Variants in UPK2 observed in about 807,000 individuals in gnomAD.
UPK2 encodes uroplakin 2, also known as uroplakin-2.
UPK2 carries 19 observed loss-of-function variants against 14.8 expected under a neutral mutation model. That is an observed-to-expected ratio of 1.29 (90% CI 0.90 to 1.89). The LOEUF (loss-of-function observed/expected upper bound fraction) is 1.89, where lower values mean the gene tolerates loss of function less well. Among genes scored for constraint, UPK2 ranks in the 40% most tolerant of loss-of-function variants. The pLI is 0.00. For synonymous variants in UPK2, 102 were observed against 101.6 expected (o/e 1.00, Z -0.02); for missense variants, 232 against 236.0 (o/e 0.98, Z 0.11).
chr11:118,956,411 TC>T lies in UPK2; in HGVS notation c.65del (p.Pro22GlnfsTer19). The T allele has an allele frequency of 6.2e-7, 1 of 1,609,104 alleles. No individual in the cohort carries two copies. The highest frequency in any genetic ancestry group is 1.3e-5 in the African/African-American group (1 of 74,994). On this transcript the variant is annotated frameshift_variant, in exon 1 of 5. Coordinates refer to ENST00000264031, the MANE Select transcript of UPK2 (RefSeq NM_006760.4). LOFTEE classifies it high-confidence loss of function. This position sits in a 1 kb window ranked among gnomAD's most constrained non-coding sequence, Gnocchi z 4.1. ...PLILILLALL[S>X]PGAADFNISS... ...GATCCTGATTCTGCTGGCTCTGCTG[TC>T]CCCAGGGGCTGCAGGTCTCTTCCAT...
At position 118,957,710 on chromosome 11, in the gene UPK2, C is replaced by T. The variant is rs756879749; in HGVS notation, c.418+42C>T. 4 of 1,609,648 alleles carry T rather than the reference C, an allele frequency of 2.5e-6. No homozygotes were observed. In the Admixed American group the frequency reaches 5.0e-5, roughly 20 times the overall value. On this transcript the variant is annotated intron_variant, in intron 4 of 4. Coordinates refer to ENST00000264031, the MANE Select transcript of UPK2 (RefSeq NM_006760.4). ...CCTCCCTTTCCCATCTCAGCGGCCA[C>T]AAACGCTTCCCTGACCATTCCTGCC...
chr11:118,956,752 A>G lies in UPK2; in HGVS notation c.77-131A>G, dbSNP rs953852731. 3 of 1,280,832 alleles carry G rather than the reference A, an allele frequency of 2.3e-6. No homozygotes were observed. The African/African-American group carries it at 4.5e-5, about 19-fold the overall frequency. 79.3% of individuals were successfully genotyped at this position (1,280,832 alleles called of 1,614,324 possible). A position where few individuals can be genotyped will look rare whatever the true frequency, so the allele number is the denominator to read the frequency against. ...CCCAAGCCTGCCACCTGGTGGTCAT[A>G]CTGGCACAGGCCTGGCTGTTCTGCC... On this transcript the variant is annotated intron_variant, in intron 1 of 4. Transcript: ENST00000264031. The surrounding 1 kb of genome is among the most constrained non-coding windows in gnomAD (Gnocchi z 4.1).
intron 3 of UPK2, 62 bp from the exon 4 acceptor site, chr11:118,957,536 C>A (rs771652809): frequency 6.3e-6 from 10 of 1,599,120 alleles, no homozygotes; most frequent in Non-Finnish European, 8.6e-6. Context: ...AGGCTGGAGC[C>A]CCTCTTCCTG....
In UPK2 at chr11:118,957,364, C is replaced by T. The variant is rs1157418579; in HGVS notation, c.347+18C>T. The T allele has an allele frequency of 1.9e-6, 3 of 1,612,304 alleles. No individual in the cohort carries two copies. In the African/African-American group the frequency reaches 4.0e-5, roughly 22 times the overall value. ...AAATTCTAGTAGGTACTGGGTCCAG[C>T]CTGAGGCACCTAGGGAAGGGGGTGC... On this transcript the variant is annotated intron_variant, in intron 3 of 4. Transcript: ENST00000264031.
chr11:118,957,648 T>A lies in UPK2; in HGVS notation c.398T>A (p.Ile133Asn), dbSNP rs1475647067. ...KGTATESSRE[I>N]PMSTLPRRNM... Reference sequence around the variant, plus strand: ...ACAGCCACTGAGTCCAGCAGAGAGATCCCAATGTCCACACTCCCTCGTAAG... The same window carrying A: ...ACAGCCACTGAGTCCAGCAGAGAGAACCCAATGTCCACACTCCCTCGTAAG... The change falls in exon 4 of 5, where the codon ATC (isoleucine) becomes AAC (asparagine). Residue 133 changes from isoleucine to asparagine, a missense_variant. By Grantham distance (149) the Ile-to-Asn change is moderately radical. Transcript: ENST00000264031. 1 of 1,613,926 alleles carries A rather than the reference T, an allele frequency of 6.2e-7. No homozygotes were observed. Among genetic ancestry groups the A allele is most frequent in the Non-Finnish European group, 8.5e-7 (1 of 1,179,994 alleles).
rs1592019910 is a variant in UPK2, at chr11:118,958,489, A to C, written c.*256A>C. The C allele has an allele frequency of 2.2e-6, 1 of 445,344 alleles. No individual in the cohort carries two copies. Among genetic ancestry groups the C allele is most frequent in the Non-Finnish European group, 4.1e-6 (1 of 246,698 alleles). 27.6% of individuals were successfully genotyped at this position (445,344 alleles called of 1,614,324 possible). On this transcript the variant is annotated 3_prime_UTR_variant, in exon 5 of 5. Transcript: ENST00000264031. The surrounding 1 kb of genome is among the most constrained non-coding windows in gnomAD (Gnocchi z 4.6). ...TTCCTCCCATTTTACCACTTTAAAC[A>C]CCCCCATAACAATTCCCCCATCCTT...
Position 118,958,070 on chromosome 11 carries a change from A to T in UPK2, c.419-27A>T. The stretch of plus-strand genomic sequence containing the variant: ...GGCAGGCTGGGGGTCTCTCCCGCCC[A>T]CAGTGGTCTCCCCTCTCTTTTGACA... On this transcript the variant is annotated intron_variant, in intron 4 of 4. Coordinates refer to ENST00000264031, the MANE Select transcript of UPK2 (RefSeq NM_006760.4). The surrounding 1 kb of genome is among the most constrained non-coding windows in gnomAD (Gnocchi z 4.6). 6.3e-7 allele frequency: 1 copy of T among 1,599,674 alleles called. No homozygotes were observed.
At position 118,957,684 on chromosome 11, in the gene UPK2, G is replaced by A. The variant is rs373658425; in HGVS notation, c.418+16G>A. The A allele has an allele frequency of 5.0e-4, 802 of 1,613,766 alleles. 1 individual carries two copies. The highest frequency in any genetic ancestry group is 6.4e-4 in the Non-Finnish European group (750 of 1,179,708). ...ACACTCCCTCGTAAGTAACACTCCC[G>A]CCTCCCTTTCCCATCTCAGCGGCCA... On this transcript the variant is annotated intron_variant, in intron 4 of 4. Coordinates refer to ENST00000264031, the MANE Select transcript of UPK2 (RefSeq NM_006760.4).
chr11:118,957,520 T>C, intron 3 of UPK2, 78 bp from the exon 4 acceptor site: 2 of 1,575,230 alleles, frequency 1.3e-6, no homozygotes, highest in South Asian at 1.1e-5. Context: ...TGAGGGTAGG[T>C]GGCCCAGGCT....
intron 3 of UPK2, 60 bp from the exon 4 acceptor site, chr11:118,957,538 C>T: frequency 6.2e-7 from 1 of 1,602,530 alleles, no homozygotes; most frequent in East Asian, 2.2e-5. Flanking sequence ...GCTGGAGCCC[C>T]TCTTCCTGTA....
chr11:118,957,815 C>T (rs1021597256), intron 4 of UPK2, 147 bp downstream of exon 4: 16 of 959,456 alleles, frequency 1.7e-5, no homozygotes, highest in South Asian at 6.2e-5. Context: ...ACGGAACCTT[C>T]GGCATGGCTA....
Position 118,956,389 on chromosome 11 carries a change from C to A in UPK2, c.39C>A (p.Ile13=), listed in dbSNP as rs1015714265. 5 of 1,611,044 alleles carry A rather than the reference C, an allele frequency of 3.1e-6. No homozygotes were observed. In the Admixed American group the frequency reaches 6.7e-5, roughly 21 times the overall value. Reference sequence around the variant, plus strand: ...TGCCCATCCGGACCTTGCCCTTGATCCTGATTCTGCTGGCTCTGCTGTCCC... The same window carrying A: ...TGCCCATCCGGACCTTGCCCTTGATACTGATTCTGCTGGCTCTGCTGTCCC... The part of the protein sequence containing the change: ...PLLPIRTLPL[I]LILLALLSPG... Residue 13 remains isoleucine (I), a synonymous_variant, in exon 1 of 5, where the codon ATC becomes ATA. Transcript: ENST00000264031. This position sits in a 1 kb window ranked among gnomAD's most constrained non-coding sequence, Gnocchi z 4.1.
rs1941564134 is a variant in UPK2 at position 118,956,553 on chromosome 11, G to A, written c.76+127G>A. The A allele has an allele frequency of 1.2e-6, 1 of 806,406 alleles. No individual in the cohort carries two copies. The highest frequency in any genetic ancestry group is 2.0e-6 in the Non-Finnish European group (1 of 496,550). 50.0% of individuals were successfully genotyped at this position (806,406 alleles called of 1,614,324 possible). On this transcript the variant is annotated intron_variant, in intron 1 of 4. Transcript: ENST00000264031. The surrounding 1 kb of genome is among the most constrained non-coding windows in gnomAD (Gnocchi z 4.1). ...TCAGGGCTGGTGATGGCAGTGACTG[G>A]GTATCAGACACTGGGCTCAGGGTAC...
rs888740096 is a variant in UPK2, at chr11:118,956,667, A to C, written c.77-216A>C. The stretch of plus-strand genomic sequence containing the variant: ...GAGGGGTGAGGTTGGGCGCTGCCCG[A>C]CTCCTGGCATCCAGGTTCTGGCTCT... On this transcript the variant is annotated intron_variant, in intron 1 of 4. Transcript: ENST00000264031. This position sits in a 1 kb window ranked among gnomAD's most constrained non-coding sequence, Gnocchi z 4.1. Among the ~76,000 whole-genome samples, 2 of 151,248 alleles carry C rather than the reference A, an allele frequency of 1.3e-5. No individual in the cohort carries two copies. Among genetic ancestry groups the C allele is most frequent in the Non-Finnish European group, 2.9e-5 (2 of 67,824 alleles).
chr11:118,956,958 G>A lies in UPK2; in HGVS notation c.152G>A (p.Cys51Tyr), dbSNP rs1941567931. The change falls in exon 2 of 5, where the codon TGT becomes TAT. Residue 51 changes from cysteine to tyrosine, a missense_variant. Transcript: ENST00000264031. This position sits in a 1 kb window ranked among gnomAD's most constrained non-coding sequence, Gnocchi z 4.1. ...AGCCTGCTGGTTGCCTTGCCCCCCT[G>A]TCACCTCACAGGAGGCAATGCCACA... is the stretch of plus-strand genomic sequence containing the variant. ...TESLLVALPP[C>Y]HLTGGNATLM... 2 of 1,613,874 alleles carry A rather than the reference G, an allele frequency of 1.2e-6. No individual in the cohort carries two copies. The highest frequency in any genetic ancestry group is 2.2e-5 in the East Asian group (1 of 44,874).
Position 118,956,361 on chromosome 11 carries a change from T to A in UPK2, c.11T>A (p.Leu4Gln). The A allele has an allele frequency of 1.2e-6, 2 of 1,611,710 alleles. No homozygotes were observed. Among genetic ancestry groups the A allele is most frequent in the Non-Finnish European group, 1.7e-6 (2 of 1,179,976 alleles). The change falls in exon 1 of 5, where the codon CTG (leucine) becomes CAG (glutamine). Residue 4 changes from leucine (L) to glutamine (Q), a missense_variant. Physicochemically the swap from Leu to Gln is moderately radical, Grantham distance 113. Transcript: ENST00000264031. This position sits in a 1 kb window ranked among gnomAD's most constrained non-coding sequence, Gnocchi z 4.1. ...ACCTCCCAGCCCAGCATGGCACCCC[T>A]GCTGCCCATCCGGACCTTGCCCTTG... MAP[L>Q]LPIRTLPLIL...
chr11:118,958,226 G>GC lies in UPK2; in HGVS notation c.549dup (p.Lys184GlnfsTer98), dbSNP rs1941581090. 2 of 1,612,856 alleles carry GC rather than the reference G, an allele frequency of 1.2e-6. No individual in the cohort carries two copies. Among genetic ancestry groups the GC allele is most frequent in the Non-Finnish European group, 1.7e-6 (2 of 1,179,642 alleles). On this transcript the variant is annotated frameshift_variant, in exon 5 of 5. Transcript: ENST00000264031. LOFTEE classifies it high-confidence loss of function. The surrounding 1 kb of genome is among the most constrained non-coding windows in gnomAD (Gnocchi z 4.6). ...ATCATTGCCCTGGCACTGGGCTCCC[G>GC]CAAGTAAGGAGGTCTGCCCGGAGCA...
At position 118,958,027 on chromosome 11, in the gene UPK2, G is replaced by T; in HGVS notation, c.419-70G>T. ...TGGGCAGTCTGTTGGCTGGATGAGT[G>T]TGAGGCCGTGAGCCTCAGGCAGGCT... On this transcript the variant is annotated intron_variant, in intron 4 of 4. Transcript: ENST00000264031. The surrounding 1 kb of genome is among the most constrained non-coding windows in gnomAD (Gnocchi z 4.6). 6.5e-7 allele frequency: 1 copy of T among 1,547,420 alleles called. No homozygotes were observed.
chr11:118,958,035 G>A lies in UPK2; in HGVS notation c.419-62G>A, dbSNP rs1030123804. 1.0e-4 allele frequency: 163 copies of A among 1,554,590 alleles called. No homozygotes were observed. Among genetic ancestry groups the A allele is most frequent in the Middle Eastern group, 6.9e-4 (4 of 5,768 alleles). ...CTGTTGGCTGGATGAGTGTGAGGCCGTGAGCCTCAGGCAGGCTGGGGGTCT... is the reference window on the plus strand; with the variant it reads ...CTGTTGGCTGGATGAGTGTGAGGCCATGAGCCTCAGGCAGGCTGGGGGTCT... On this transcript the variant is annotated intron_variant, in intron 4 of 4. Coordinates refer to ENST00000264031, the MANE Select transcript of UPK2 (RefSeq NM_006760.4). The surrounding 1 kb of genome is among the most constrained non-coding windows in gnomAD (Gnocchi z 4.6).
Sources: gnomAD v4.1 joint callset for allele counts (sites outside exome capture counted in the v4.1 genomes callset) on GRCh38, gnomAD v4.1.1 for gene constraint, Gnocchi (gnomAD v3.1) non-coding constraint, MANE v1.5 for transcripts, NCBI Gene and HGNC (gene_info 2026-07-23, HGNC 2026-07-21) for gene names.